BMP7: variants seen among roughly 807,000 people sequenced by gnomAD.
BMP7 encodes the protein bone morphogenetic protein 7.
In BMP7, 12 loss-of-function variants were observed where a neutral mutation model predicts 41.2. The ratio of observed to expected loss-of-function variants is 0.29; its 90% CI spans 0.19 to 0.47. BMP7 has a LOEUF of 0.47. Among genes scored for constraint, BMP7 ranks in the 20% least tolerant of loss-of-function variants. BMP7 has a pLI of 0.99. For missense variants in BMP7, 467 were observed against 606.0 expected (o/e 0.77, Z 2.41); for synonymous variants, 248 against 250.0 (o/e 0.99, Z 0.07).
chr20:57,189,793 A>G (rs1261573185), intron 3 of BMP7, among the ~76,000 whole-genome samples: 1 of 152,216 alleles, frequency 6.6e-6, no homozygotes, highest in Admixed American at 6.5e-5. Flanking sequence ...TTTATTGAGC[A>G]CCTACTGTGT....
At chr20:57,173,352 T>G (rs375516908) in intron 5 of BMP7, 42 bp from the exon 6 acceptor site, 2 of 1,580,950 alleles carry the variant, frequency 1.3e-6, no homozygotes, top group African/African-American at 1.3e-5. Flanking sequence ...GCAGAAGGCC[T>G]GAGCCACAGC....
intron 1 of BMP7, among the ~76,000 whole-genome samples, chr20:57,244,513 C>G (rs563478942): frequency 6.6e-6 from 1 of 152,202 alleles, no homozygotes; most frequent in Non-Finnish European, 1.5e-5. Flanking sequence ...TGGGGTTGAG[C>G]GTGGGCCATG....
intron 1 of BMP7, among the ~76,000 whole-genome samples, chr20:57,242,304 C>T (rs1489765307): frequency 6.6e-6 from 1 of 152,186 alleles, no homozygotes; most frequent in Non-Finnish European, 1.5e-5. Context: ...CCCCATCCAA[C>T]CCCAAATGTG....
chr20:57,260,872 G>A (rs1600648446), intron 1 of BMP7, among the ~76,000 whole-genome samples: 1 of 152,212 alleles, frequency 6.6e-6, no homozygotes, highest in Non-Finnish European at 1.5e-5. Flanking sequence ...AAGAGTGAGC[G>A]TGAAAGAATT....
chr20:57,202,348 C>A, intron 3 of BMP7, 127 bp downstream of exon 3: 2 of 1,293,902 alleles, frequency 1.5e-6, no homozygotes, highest in East Asian at 2.5e-5. Context: ...AAAGGCTGAA[C>A]ATGGAGTACT....
intron 1 of BMP7, among the ~76,000 whole-genome samples, chr20:57,250,339 A>ATATATATC (rs1568729803): frequency 6.8e-6 from 1 of 146,022 alleles, no homozygotes; most frequent in East Asian, 2.0e-4. Context: ...AATATATAAT[A>ATATATATC]TATATCTATA....
chr20:57,244,235 A>G (rs1307359376), intron 1 of BMP7, among the ~76,000 whole-genome samples: 2 of 152,198 alleles, frequency 1.3e-5, no homozygotes, highest in East Asian at 3.9e-4. Context: ...GATGGTGATA[A>G]TGCAGGTCTA....
At chr20:57,208,326 T>C (rs900767689) in intron 2 of BMP7, among the ~76,000 whole-genome samples, 8 of 152,286 alleles carry the variant, frequency 5.3e-5, no homozygotes, top group Middle Eastern at 3.4e-3. Flanking sequence ...CAGTGAGCCA[T>C]GAAAAGATGC....
chr20:57,195,448 C>T (rs1206845091), intron 3 of BMP7, among the ~76,000 whole-genome samples: 1 of 152,210 alleles, frequency 6.6e-6, no homozygotes. Context: ...CCCAATTCCG[C>T]CCTCCCCATT....
At chr20:57,185,774 C>T (rs1354382087) in intron 3 of BMP7, among the ~76,000 whole-genome samples, 2 of 152,082 alleles carry the variant, frequency 1.3e-5, no homozygotes, top group African/African-American at 4.8e-5. Flanking sequence ...CTTTGCACAC[C>T]CTAAGTGCTC....
At chr20:57,255,971 C>T (rs1052285965) in intron 1 of BMP7, among the ~76,000 whole-genome samples, 1 of 152,136 alleles carries the variant, frequency 6.6e-6, no homozygotes, top group East Asian at 1.9e-4. Flanking sequence ...CAGAGTAATG[C>T]TTCTTAATTC....
chr20:57,202,614 A>C lies in BMP7; in HGVS notation c.621T>G (p.Asp207Glu), dbSNP rs905272153. The change falls in exon 3 of 7, where the codon GAT becomes GAG. Residue 207 changes from aspartate (D) to glutamate (E), a missense_variant. Coordinates refer to ENST00000395863, the MANE Select transcript of BMP7 (RefSeq NM_001719.3). Reference sequence around the variant, plus strand: ...GGGTACGGCTGTCGAGCAGGAAGAGATCCGATTCCCTGCGAGAGAGGAGGA... The same window carrying C: ...GGGTACGGCTGTCGAGCAGGAAGAGCTCCGATTCCCTGCGAGAGAGGAGGA... Reference protein sequence around the residue: ...VLQEHLGRESDLFLLDSRTLW... With the variant: ...VLQEHLGRESELFLLDSRTLW... 1 of 1,611,494 alleles carries C rather than the reference A, an allele frequency of 6.2e-7. No individual in the cohort carries two copies. The highest frequency in any genetic ancestry group is 8.5e-7 in the Non-Finnish European group (1 of 1,179,984).
chr20:57,260,402 C>T (rs1024502307), intron 1 of BMP7, among the ~76,000 whole-genome samples: 3 of 152,184 alleles, frequency 2.0e-5, no homozygotes, highest in African/African-American at 7.2e-5. Flanking sequence ...CCTCCCCGCT[C>T]CTGGTGACGT....
At chr20:57,212,718 G>A (rs148821334) in intron 2 of BMP7, among the ~76,000 whole-genome samples, 3 of 152,294 alleles carry the variant, frequency 2.0e-5, no homozygotes, top group Non-Finnish European at 4.4e-5. Flanking sequence ...GCAACCCGCC[G>A]TGCACCTGGA....
In BMP7 at chr20:57,219,388, C is replaced by G. The variant is rs547634475; in HGVS notation, c.611+8841G>C. ...ACTTCGGCTGTGTCACCCAGAGGTA[C>G]TTGACATCCCTCCCTCCCTCCACCC... is the stretch of plus-strand genomic sequence containing the variant. On this transcript the variant is annotated intron_variant, in intron 2 of 6. Coordinates refer to ENST00000395863, the MANE Select transcript of BMP7 (RefSeq NM_001719.3). 1.3e-4 allele frequency among the ~76,000 whole-genome samples: 12 copies of G among 88,904 alleles called. No homozygotes were observed. In the East Asian group the frequency reaches 2.7e-3, roughly 20 times the overall value. The allele number at this position is 88,904 out of a possible 152,430, so 58.3% of individuals were successfully genotyped here.
intron 1 of BMP7, among the ~76,000 whole-genome samples, chr20:57,262,439 C>A (rs2066157841): frequency 6.6e-6 from 1 of 152,170 alleles, no homozygotes; most frequent in African/African-American, 2.4e-5. Flanking sequence ...GCCTTTAGTC[C>A]TCATTCCCAC....
chr20:57,235,297 C>A (rs1363863601), intron 1 of BMP7, among the ~76,000 whole-genome samples: 2 of 152,136 alleles, frequency 1.3e-5, no homozygotes, highest in African/African-American at 4.8e-5. Context: ...GGAGAGTTTA[C>A]AGTTTGAGAC....
chr20:57,209,158 A>C (rs1437275502), intron 2 of BMP7, among the ~76,000 whole-genome samples: 2 of 151,386 alleles, frequency 1.3e-5, no homozygotes, highest in African/African-American at 4.9e-5. Flanking sequence ...CATCTCTACT[A>C]AATCACACCA....
intron 2 of BMP7, among the ~76,000 whole-genome samples, chr20:57,216,506 G>A (rs757461431): frequency 6.7e-6 from 1 of 150,252 alleles, no homozygotes. Context: ...TCCTGAGGGC[G>A]AGGGGGCTGT....
Sources: gnomAD v4.1 joint callset for allele counts (sites outside exome capture counted in the v4.1 genomes callset) on GRCh38, gnomAD v4.1.1 for gene constraint, MANE v1.5 for transcripts, NCBI Gene and HGNC (gene_info 2026-07-23, HGNC 2026-07-21) for gene names.